Variants in UTS2 observed in about 807,000 individuals in gnomAD.
UTS2 encodes the protein urotensin-2.
In UTS2, 10 loss-of-function variants were observed where a neutral mutation model predicts 12.6. The ratio of observed to expected loss-of-function variants is 0.80; its 90% CI spans 0.49 to 1.35. UTS2 has a LOEUF of 1.35. Ranked by LOEUF, UTS2 falls within the 40% of genes most tolerant of loss-of-function variation. The probability of loss-of-function intolerance (pLI) is 0.00; values close to 1 mark genes in which losing one functional copy is unlikely to be tolerated. For missense variants in UTS2, 142 were observed against 143.2 expected (o/e 0.99, Z 0.04); for synonymous variants, 52 against 50.0 (o/e 1.04, Z -0.17).
chr1:7,853,438 A>T, upstream of UTS2: 1 of 1,612,848 alleles, frequency 6.2e-7, no homozygotes, highest in Non-Finnish European at 8.5e-7. Context: ...CCATTTTTTA[A>T]TCTTTCATGA....
chr1:7,867,322 A>G, the UTS2 span, among the ~76,000 whole-genome samples: 47,078 of 152,088 alleles, frequency 0.31, 8,120 homozygotes, highest in East Asian at 0.69. Context: ...CCTAAGCCCC[A>G]GTATTTCAGA....
the UTS2 span, among the ~76,000 whole-genome samples, chr1:7,912,158 A>G: frequency 6.6e-6 from 1 of 152,172 alleles, no homozygotes; most frequent in Non-Finnish European, 1.5e-5. Context: ...TCTTCAAGAT[A>G]GATCCCTAGT....
At chr1:7,864,359 C>A in the UTS2 span, among the ~76,000 whole-genome samples, 1 of 152,000 alleles carries the variant, frequency 6.6e-6, no homozygotes, top group South Asian at 2.1e-4. Flanking sequence ...GCCTCTCCGA[C>A]CTTCCCCCTC....
chr1:7,868,599 A>G, the UTS2 span, among the ~76,000 whole-genome samples: 1 of 152,220 alleles, frequency 6.6e-6, no homozygotes, highest in Non-Finnish European at 1.5e-5. Flanking sequence ...TGAGGGCCGG[A>G]AGGCCCATGT....
At chr1:7,851,699 G>A (rs893296268) in intron 1 of UTS2, among the ~76,000 whole-genome samples, 22 of 152,172 alleles carry the variant, frequency 1.4e-4, no homozygotes, top group Admixed American at 1.4e-3. Flanking sequence ...AAAGGCATCA[G>A]AGCACATTCA....
At chr1:7,853,304 T>C, upstream of UTS2, 1 of 1,614,166 alleles carries the variant, frequency 6.2e-7, no homozygotes, top group Admixed American at 1.7e-5. Flanking sequence ...AGAGGCAACT[T>C]ACAGCAATAA....
At chr1:7,906,481 A>AAGAAAGAAAG in the UTS2 span, among the ~76,000 whole-genome samples, 9 of 149,962 alleles carry the variant, frequency 6.0e-5, no homozygotes, top group African/African-American at 2.2e-4. Flanking sequence ...GAAAGAAAGA[A>AAGAAAGAAAG]AGAAAGAAAG....
At chr1:7,860,551 T>C in the UTS2 span, among the ~76,000 whole-genome samples, 1 of 152,098 alleles carries the variant, frequency 6.6e-6, no homozygotes, top group African/African-American at 2.4e-5. Context: ...TATGGCACAA[T>C]CTAAACTGTG....
At chr1:7,880,118 C>G in the UTS2 span, among the ~76,000 whole-genome samples, 2 of 151,884 alleles carry the variant, frequency 1.3e-5, no homozygotes, top group Non-Finnish European at 2.9e-5. Context: ...AATAGGCAGG[C>G]ATGGTGGCAC....
At chr1:7,909,844 A>T in the UTS2 span, among the ~76,000 whole-genome samples, 1 of 151,680 alleles carries the variant, frequency 6.6e-6, no homozygotes, top group South Asian at 2.1e-4. Context: ...CTGGTCTCAA[A>T]CTCCTGACCT....
At chr1:7,898,066 G>C in the UTS2 span, among the ~76,000 whole-genome samples, 1 of 152,180 alleles carries the variant, frequency 6.6e-6, no homozygotes, top group African/African-American at 2.4e-5. Context: ...GTATTCTACA[G>C]ATTTAGGGTT....
At chr1:7,850,661 C>G in intron 2 of UTS2, 151 bp downstream of exon 2, 1 of 702,730 alleles carries the variant, frequency 1.4e-6, no homozygotes, top group South Asian at 1.9e-5. Flanking sequence ...GAAGGTTGCA[C>G]AGGCCGGGAG....
chr1:7,874,734 C>T, the UTS2 span, among the ~76,000 whole-genome samples: 175 of 152,326 alleles, frequency 1.1e-3, no homozygotes, highest in African/African-American at 4.2e-3. Context: ...ATCTCATCTC[C>T]AGTTGTAATC....
the UTS2 span, among the ~76,000 whole-genome samples, chr1:7,891,204 G>C: frequency 6.6e-6 from 1 of 152,144 alleles, no homozygotes; most frequent in African/African-American, 2.4e-5. Context: ...AGGATACAAA[G>C]TATCGGTTAG....
At chr1:7,890,967 A>ACCCGC in the UTS2 span, among the ~76,000 whole-genome samples, 1 of 135,784 alleles carries the variant, frequency 7.4e-6, no homozygotes, top group Admixed American at 7.2e-5. Context: ...GATACCCTCC[A>ACCCGC]CCCCCCCCCA....
the UTS2 span, among the ~76,000 whole-genome samples, chr1:7,890,122 T>A: frequency 1.8e-5 from 2 of 112,188 alleles, no homozygotes; most frequent in Non-Finnish European, 3.6e-5. Context: ...CGAGCCTCCA[T>A]CTAAAAAAAA....
chr1:7,866,358 T>C, the UTS2 span, among the ~76,000 whole-genome samples: 51 of 152,180 alleles, frequency 3.4e-4, 1 homozygote, highest in Non-Finnish European at 6.8e-4. This position sits in a 1 kb window ranked among gnomAD's most constrained non-coding sequence, Gnocchi z 4.5. Context: ...AGAGGGGGTG[T>C]CAAGTGAGCG....
the UTS2 span, among the ~76,000 whole-genome samples, chr1:7,912,163 C>T: frequency 6.6e-6 from 1 of 151,926 alleles, no homozygotes; most frequent in Non-Finnish European, 1.5e-5. Context: ...AAGATAGATC[C>T]CTAGTGGCTA....
chr1:7,886,154 C>G, the UTS2 span, among the ~76,000 whole-genome samples: 1 of 152,060 alleles, frequency 6.6e-6, no homozygotes, highest in South Asian at 2.1e-4. Flanking sequence ...AAATTGCTCC[C>G]TGCCCACTCT....
Sources: allele counts gnomAD v4.1 joint callset (sites outside exome capture counted in the v4.1 genomes callset), GRCh38; gene constraint gnomAD v4.1.1; non-coding constraint Gnocchi (gnomAD v3.1); transcripts MANE v1.5; gene names NCBI Gene and HGNC (gene_info 2026-07-23, HGNC 2026-07-21).